The following TMEM74 variants were observed in gnomAD, a reference collection of about 807,000 sequenced individuals.
TMEM74 encodes the protein transmembrane protein 74.
A neutral mutation model predicts 18.1 loss-of-function variants in TMEM74; 13 were observed. The ratio of observed to expected loss-of-function variants is 0.72; its 90% CI spans 0.47 to 1.14. The LOEUF is 1.14. Ranked by LOEUF, TMEM74 falls within the 50% of genes most tolerant of loss-of-function variation. The pLI, the probability that TMEM74 is intolerant of heterozygous loss-of-function variation, is 0.00. For missense variants in TMEM74, 372 were observed against 375.9 expected, an observed-to-expected ratio of 0.99 and a Z score of 0.09; for synonymous variants, 159 against 146.6, an observed-to-expected ratio of 1.08 and a Z score of -0.61.
downstream of TMEM74, among the ~76,000 whole-genome samples, chr8:108,778,353 C>T (rs551610070): frequency 6.6e-6 from 1 of 152,226 alleles, no homozygotes; most frequent in South Asian, 2.1e-4. Flanking sequence ...CAACCAGGGA[C>T]ATGTAAAAAG....
intron 1 of TMEM74, among the ~76,000 whole-genome samples, chr8:108,740,009 TG>T (rs1364492052): frequency 6.6e-6 from 1 of 152,074 alleles, no homozygotes; most frequent in Non-Finnish European, 1.5e-5. Context: ...GGTGAGAATG[TG>T]GGGGTCAAAA....
chr8:108,689,111 G>A (rs537354006), intron 1 of TMEM74, among the ~76,000 whole-genome samples: 45 of 152,234 alleles, frequency 3.0e-4, no homozygotes, highest in Admixed American at 2.6e-3. Context: ...CCAGAACACT[G>A]TAAATTTGCT....
chr8:108,743,332 C>G (rs1455087966), intron 1 of TMEM74, among the ~76,000 whole-genome samples: 1 of 152,196 alleles, frequency 6.6e-6, no homozygotes, highest in Admixed American at 6.5e-5. Flanking sequence ...TCAACTCTCT[C>G]TTTTGTATAA....
chr8:108,645,012 A>G (rs1812702910), intron 2 of TMEM74, among the ~76,000 whole-genome samples: 1 of 152,156 alleles, frequency 6.6e-6, no homozygotes, highest in African/African-American at 2.4e-5. Flanking sequence ...TATATATCCA[A>G]AGGAAAATAA....
intron 1 of TMEM74, among the ~76,000 whole-genome samples, chr8:108,688,553 G>C (rs1241875524): frequency 6.6e-6 from 1 of 152,210 alleles, no homozygotes; most frequent in Admixed American, 6.5e-5. Flanking sequence ...GAAATGAAGT[G>C]GGGAGAGCAG....
downstream of TMEM74, among the ~76,000 whole-genome samples, chr8:108,774,617 G>A (rs1814208101): frequency 6.6e-6 from 1 of 152,166 alleles, no homozygotes; most frequent in African/African-American, 2.4e-5. Flanking sequence ...GTGCAAATTA[G>A]CCATTTGGAC....
Position 108,719,474 on chromosome 8 carries a change from C to A in TMEM74, n.120-64037G>T, listed in dbSNP as rs891610345. 3.3e-5 allele frequency among the ~76,000 whole-genome samples: 5 copies of A among 152,058 alleles called. No individual in the cohort carries two copies. The East Asian group carries it at 9.6e-4, about 29-fold the overall frequency. On this transcript the variant is annotated intron_variant and non_coding_transcript_variant, in intron 1 of 3. Transcript: ENST00000518838. ...GCACCACCCTCACCGTTCTTTGTGG[C>A]ACATCTTTGCACATTTTCTTAATTG...
intron 2 of TMEM74, among the ~76,000 whole-genome samples, chr8:108,645,409 G>T (rs1185050522): frequency 6.6e-6 from 1 of 152,074 alleles, no homozygotes; most frequent in Non-Finnish European, 1.5e-5. Context: ...TATGCTCAGT[G>T]CCTGGGTGAT....
At chr8:108,652,648 AAAG>A in intron 2 of TMEM74, 2 of 625,056 alleles carry the variant, frequency 3.2e-6, no homozygotes, top group South Asian at 3.2e-5. Context: ...CAAGAAAAAG[AAAG>A]AAGAAAAGCC....
intron 2 of TMEM74, among the ~76,000 whole-genome samples, chr8:108,628,289 C>A (rs1812516266): frequency 6.6e-6 from 1 of 151,972 alleles, no homozygotes; most frequent in African/African-American, 2.4e-5. Flanking sequence ...AAACATTTGT[C>A]TGTATTTGCA....
At chr8:108,725,739 T>C (rs1415731177) in intron 1 of TMEM74, among the ~76,000 whole-genome samples, 1 of 152,178 alleles carries the variant, frequency 6.6e-6, no homozygotes, top group Non-Finnish European at 1.5e-5. Flanking sequence ...AAGCTTTCTG[T>C]TTTTATTTCT....
At chr8:108,665,048 C>T (rs972146937) in intron 1 of TMEM74, among the ~76,000 whole-genome samples, 7 of 151,904 alleles carry the variant, frequency 4.6e-5, no homozygotes, top group Non-Finnish European at 1.0e-4. Context: ...GATTATCTCT[C>T]TTGCCAATGG....
intron 1 of TMEM74, among the ~76,000 whole-genome samples, chr8:108,756,680 GA>G (rs1554577405): frequency 4.7e-5 from 5 of 107,150 alleles, no homozygotes; most frequent in African/African-American, 2.1e-4. Flanking sequence ...AAGAAAGAAA[GA>G]AAGAAAGAAA....
intron 2 of TMEM74, among the ~76,000 whole-genome samples, chr8:108,629,773 C>A (rs1056864011): frequency 5.3e-5 from 8 of 151,928 alleles, no homozygotes; most frequent in Non-Finnish European, 1.0e-4. Flanking sequence ...CCTTTCCAGA[C>A]AAGAAAATGC....
At chr8:108,636,074 A>G (rs1402112348) in intron 2 of TMEM74, among the ~76,000 whole-genome samples, 1 of 152,074 alleles carries the variant, frequency 6.6e-6, no homozygotes, top group Non-Finnish European at 1.5e-5. Flanking sequence ...TATATTCTCA[A>G]TCAGGAAAAG....
intron 1 of TMEM74, among the ~76,000 whole-genome samples, chr8:108,740,292 G>A (rs766198352): frequency 2.6e-5 from 4 of 152,008 alleles, no homozygotes; most frequent in African/African-American, 7.3e-5. Flanking sequence ...ACCCATAATC[G>A]TTGACCCACA....
At chr8:108,684,114 T>C (rs1366759805) in intron 1 of TMEM74, among the ~76,000 whole-genome samples, 2 of 152,056 alleles carry the variant, frequency 1.3e-5, no homozygotes, top group Non-Finnish European at 2.9e-5. Flanking sequence ...TTTGGATAAA[T>C]TACCAACAAT....
At position 108,780,807 on chromosome 8, in the gene TMEM74, A is replaced by G. The variant is rs1266735477; in HGVS notation, c.*3374T>C. On this transcript the variant is annotated 3_prime_UTR_variant, in exon 2 of 2. Transcript: ENST00000297459. Reference sequence around the variant, plus strand: ...CCTGTAAACTATAAATCACCTACACAGTGGGGAGCATGACGAAAAGCTGTT... The same window carrying G: ...CCTGTAAACTATAAATCACCTACACGGTGGGGAGCATGACGAAAAGCTGTT... Among the ~76,000 whole-genome samples, 1 of 152,088 alleles carries G rather than the reference A, an allele frequency of 6.6e-6. No homozygotes were observed. The highest frequency in any genetic ancestry group is 1.5e-5 in the Non-Finnish European group (1 of 67,988).
intron 1 of TMEM74, among the ~76,000 whole-genome samples, chr8:108,731,580 T>C (rs1563537527): frequency 6.6e-6 from 1 of 152,132 alleles, no homozygotes; most frequent in Non-Finnish European, 1.5e-5. Flanking sequence ...AGAGCATGAA[T>C]ACACACTCAA....
Sources: gnomAD v4.1 joint callset for allele counts (sites outside exome capture counted in the v4.1 genomes callset) on GRCh38, gnomAD v4.1.1 for gene constraint, MANE v1.5 for transcripts, NCBI Gene and HGNC (gene_info 2026-07-23, HGNC 2026-07-21) for gene names.